Variants in ADAM12 observed in about 807,000 individuals in gnomAD.
The protein encoded by ADAM12 is disintegrin and metalloproteinase domain-containing protein 12.
Under a neutral mutation model 106.4 loss-of-function variants are expected in ADAM12, and 70 were observed. The observed-to-expected ratio is 0.66, with a 90% CI of 0.54 to 0.80. The LOEUF (loss-of-function observed/expected upper bound fraction) is 0.80, where lower values mean the gene tolerates loss of function less well. Ranked by LOEUF, ADAM12 falls within the 30% of genes least tolerant of loss-of-function variation. The probability of loss-of-function intolerance (pLI) is 0.00; values close to 1 mark genes in which losing one functional copy is unlikely to be tolerated. For synonymous variants in ADAM12, 420 were observed against 433.5 expected, an observed-to-expected ratio of 0.97 and a Z score of 0.39; for missense variants, 1,010 against 1,171.9, an observed-to-expected ratio of 0.86 and a Z score of 2.02.
intron 3 of ADAM12, among the ~76,000 whole-genome samples, chr10:126,241,122 G>C (rs4962527): frequency 5.3e-5 from 8 of 152,080 alleles, no homozygotes; most frequent in African/African-American, 1.2e-4. Flanking sequence ...CTGACACAAG[G>C]GGACATGTAC....
At chr10:126,021,548 C>T (rs976398242) in intron 21 of ADAM12, among the ~76,000 whole-genome samples, 1 of 152,094 alleles carries the variant, frequency 6.6e-6, no homozygotes, top group Admixed American at 6.5e-5. Context: ...GAACAAGGGA[C>T]AGACTTAGAA....
At chr10:126,250,364 CAT>C (rs1331053166) in intron 3 of ADAM12, among the ~76,000 whole-genome samples, 1 of 152,128 alleles carries the variant, frequency 6.6e-6, no homozygotes, top group Non-Finnish European at 1.5e-5. Flanking sequence ...ATTTTGTTCA[CAT>C]GTTTATTGGG....
chr10:126,123,827 T>C (rs1218020165), intron 5 of ADAM12, among the ~76,000 whole-genome samples: 1 of 152,102 alleles, frequency 6.6e-6, no homozygotes, highest in Non-Finnish European at 1.5e-5. Context: ...AGGACTAGAA[T>C]TAGAATTAGA....
chr10:126,267,601 CTGA>C (rs1383884138), intron 3 of ADAM12, among the ~76,000 whole-genome samples: 6 of 152,114 alleles, frequency 3.9e-5, no homozygotes, highest in Admixed American at 6.5e-5. Context: ...AATGCCGCCA[CTGA>C]TCTGACAGGG....
intron 3 of ADAM12, among the ~76,000 whole-genome samples, chr10:126,208,384 G>A (rs1243385944): frequency 6.6e-6 from 1 of 152,078 alleles, no homozygotes; most frequent in Non-Finnish European, 1.5e-5. Context: ...GAGTCAATAG[G>A]GCTGAGGGTA....
intron 3 of ADAM12, among the ~76,000 whole-genome samples, chr10:126,159,389 G>T (rs1380440): frequency 0.17 from 25,150 of 149,646 alleles, 2,181 homozygotes; most frequent in Non-Finnish European, 0.19. Context: ...ATTTAATGTA[G>T]ATTAAGTTAT....
At chr10:126,384,538 C>A (rs1856594388) in intron 1 of ADAM12, among the ~76,000 whole-genome samples, 1 of 151,920 alleles carries the variant, frequency 6.6e-6, no homozygotes, top group Non-Finnish European at 1.5e-5. Flanking sequence ...AAAAAGTAAC[C>A]CGTGAGTCAC....
chr10:126,103,896 C>T (rs1955715142), intron 8 of ADAM12, among the ~76,000 whole-genome samples: 1 of 152,184 alleles, frequency 6.6e-6, no homozygotes, highest in Non-Finnish European at 1.5e-5. Context: ...TGCCCTCGCT[C>T]CTGCCACCCA....
At chr10:126,356,214 C>T (rs1263068826) in intron 1 of ADAM12, among the ~76,000 whole-genome samples, 14 of 152,188 alleles carry the variant, frequency 9.2e-5, no homozygotes, top group Non-Finnish European at 1.6e-4. Context: ...CAACTCTGTA[C>T]AACTGAAGAA....
At chr10:126,167,141 T>C (rs1439660188) in intron 3 of ADAM12, among the ~76,000 whole-genome samples, 1 of 152,206 alleles carries the variant, frequency 6.6e-6, no homozygotes, top group Non-Finnish European at 1.5e-5. Context: ...TAACGTTCAT[T>C]TGAGCTCCTC....
chr10:126,217,885 G>C (rs748075294), intron 3 of ADAM12, among the ~76,000 whole-genome samples: 22 of 151,362 alleles, frequency 1.5e-4, no homozygotes, highest in Admixed American at 4.6e-4. Flanking sequence ...TGAGGCAGGA[G>C]AATTGCTTGA....
At chr10:126,086,680 A>AAAAAT (rs1554966976) in intron 11 of ADAM12, among the ~76,000 whole-genome samples, 3 of 24,278 alleles carry the variant, frequency 1.2e-4, no homozygotes, top group Non-Finnish European at 1.8e-4. Context: ...AAAAAAAAAA[A>AAAAAT]ATATATATAT....
intron 11 of ADAM12, among the ~76,000 whole-genome samples, chr10:126,071,901 T>C (rs550999559): frequency 2.0e-5 from 3 of 152,262 alleles, no homozygotes; most frequent in African/African-American, 7.2e-5. Flanking sequence ...AAAAAAGAAA[T>C]GATCTTTCGA....
At chr10:126,129,209 T>C (rs1590461929) in intron 5 of ADAM12, among the ~76,000 whole-genome samples, 3 of 152,332 alleles carry the variant, frequency 2.0e-5, no homozygotes, top group Middle Eastern at 6.8e-3. Flanking sequence ...CAAGAGCCCA[T>C]GAGACTCCTC....
intron 2 of ADAM12, among the ~76,000 whole-genome samples, chr10:126,289,592 G>GA (rs1437011393): frequency 6.6e-6 from 1 of 152,206 alleles, no homozygotes; most frequent in Non-Finnish European, 1.5e-5. Context: ...CCAGGTCTTG[G>GA]AACACCCTGA....
chr10:126,256,546 AT>A (rs71029296), intron 3 of ADAM12, among the ~76,000 whole-genome samples: 30,215 of 152,066 alleles, frequency 0.2, 3,246 homozygotes, highest in African/African-American at 0.29. Context: ...GGAGGTGGGG[AT>A]TCAGCCCTGG....
At position 126,278,979 on chromosome 10, in the gene ADAM12, C is replaced by T. The variant is rs140373673; in HGVS notation, c.196G>A (p.Glu66Lys). Reference protein sequence around the residue: ...VKSFDSKNHPEVLNIRLQRES... With the variant: ...VKSFDSKNHPKVLNIRLQRES... ...CGTTGTAGTCGAATATTCAGCACTT[C>T]TGGATGATTCTGAAAGATAAACAAC... The change falls in exon 3 of 23, where the codon GAA (glutamate) becomes AAA (lysine). Residue 66 changes from glutamate to lysine, a missense_variant. By Grantham distance (56) the Glu-to-Lys change is moderately conservative. Coordinates refer to ENST00000448723, the MANE Select transcript of ADAM12 (RefSeq NM_001288973.2). 2,287 of 1,612,612 alleles carry T rather than the reference C, an allele frequency of 1.4e-3. 3 individuals are homozygous for T. The highest frequency in any genetic ancestry group is 1.8e-3 in the Non-Finnish European group (2,130 of 1,178,996).
rs1048405234 is a variant in ADAM12 at position 126,207,899 on chromosome 10, T to C, written c.261-52594A>G. Among the ~76,000 whole-genome samples, 9 of 152,296 alleles carry C rather than the reference T, an allele frequency of 5.9e-5. No individual in the cohort carries two copies. In the South Asian group the frequency reaches 1.0e-3, roughly 18 times the overall value. ...ACAGAAACCCTTACATGTTTCAATA[T>C]GAAAAACACTAAAAGGAAAAATAGT... On this transcript the variant is annotated intron_variant, in intron 3 of 22. Coordinates refer to ENST00000448723, the MANE Select transcript of ADAM12 (RefSeq NM_001288973.2).
chr10:126,358,346 C>A (rs1855622299), intron 1 of ADAM12, among the ~76,000 whole-genome samples: 2 of 152,092 alleles, frequency 1.3e-5, no homozygotes, highest in South Asian at 2.1e-4. Context: ...TCAACACAGA[C>A]AAATCAATAA....
Sources: gnomAD v4.1 joint callset for allele counts (sites outside exome capture counted in the v4.1 genomes callset) on GRCh38, gnomAD v4.1.1 for gene constraint, MANE v1.5 for transcripts, NCBI Gene and HGNC (gene_info 2026-07-23, HGNC 2026-07-21) for gene names.